LRRIQ3: variants seen among roughly 807,000 people sequenced by gnomAD.
LRRIQ3 encodes the protein leucine rich repeats and IQ motif containing 3.
In LRRIQ3, 75 loss-of-function variants were observed where a neutral mutation model predicts 59.3. The observed-to-expected ratio is 1.26, with a 90% CI of 1.05 to 1.53. The LOEUF is 1.53. Among genes scored for constraint, LRRIQ3 ranks in the 40% most tolerant of loss-of-function variants. LRRIQ3 has a pLI of 0.00. For missense variants in LRRIQ3, 831 were observed against 710.0 expected (o/e 1.17, Z -1.94); for synonymous variants, 250 against 231.3 (o/e 1.08, Z -0.73).
intron 4 of LRRIQ3, among the ~76,000 whole-genome samples, chr1:74,111,933 G>A (rs1297664116): frequency 6.6e-6 from 1 of 152,088 alleles, no homozygotes; most frequent in Non-Finnish European, 1.5e-5. Context: ...TATTATGTCA[G>A]GAAAGAATAG....
At chr1:74,099,943 C>T (rs1000322745) in intron 5 of LRRIQ3, among the ~76,000 whole-genome samples, 1 of 152,100 alleles carries the variant, frequency 6.6e-6, no homozygotes, top group Non-Finnish European at 1.5e-5. Flanking sequence ...AACCCACAGC[C>T]AATATCATAC....
At chr1:74,137,949 G>T (rs1406186814) in intron 4 of LRRIQ3, among the ~76,000 whole-genome samples, 2 of 151,706 alleles carry the variant, frequency 1.3e-5, no homozygotes, top group African/African-American at 2.4e-5. Flanking sequence ...TCAGGGGGTG[G>T]GAGGGTAGGG....
intron 7 of LRRIQ3, among the ~76,000 whole-genome samples, chr1:74,028,885 T>A (rs1653602763): frequency 6.6e-6 from 1 of 151,928 alleles, no homozygotes; most frequent in Non-Finnish European, 1.5e-5. Flanking sequence ...AGTAGTCAGG[T>A]CTGGACGTGT....
chr1:74,187,333 T>G (rs1004429632), intron 1 of LRRIQ3, among the ~76,000 whole-genome samples: 5 of 145,640 alleles, frequency 3.4e-5, no homozygotes, highest in Admixed American at 1.4e-4. Context: ...TATATAGATA[T>G]ATATATATAG....
chr1:74,099,218 G>A (rs909458883), intron 5 of LRRIQ3, among the ~76,000 whole-genome samples: 2 of 152,050 alleles, frequency 1.3e-5, no homozygotes, highest in African/African-American at 2.4e-5. Flanking sequence ...AAATGATAAA[G>A]GGGATATCAC....
chr1:74,048,176 C>G (rs896747157), intron 6 of LRRIQ3, among the ~76,000 whole-genome samples: 1 of 152,122 alleles, frequency 6.6e-6, no homozygotes, highest in Non-Finnish European at 1.5e-5. Flanking sequence ...AGGAAGTTCC[C>G]TCTCCTGAAT....
chr1:74,146,131 G>C (rs1647552138), intron 4 of LRRIQ3, among the ~76,000 whole-genome samples: 1 of 152,152 alleles, frequency 6.6e-6, no homozygotes, highest in East Asian at 1.9e-4. Flanking sequence ...AAGTGTAGTA[G>C]GCTATATAAC....
chr1:74,097,061 A>G (rs1002698766), intron 5 of LRRIQ3, among the ~76,000 whole-genome samples: 2 of 151,660 alleles, frequency 1.3e-5, no homozygotes. Context: ...GAGAACCACT[A>G]CTCTCTTCAA....
In LRRIQ3 at chr1:74,074,739, CAT is replaced by C. The variant is rs746639045; in HGVS notation, c.917_918del (p.His306ArgfsTer7). On this transcript the variant is annotated frameshift_variant, in exon 6 of 8. Transcript: ENST00000354431. LOFTEE classifies it high-confidence loss of function. ...DLKNSSEHRK[H>X]VSSILCELKP... The stretch of plus-strand genomic sequence containing the variant: ...TTTAATTCACATAAAATAGATGACA[CAT>C]GTTTTCTGTGTTCACTGGAATTTTT... 13 of 1,444,596 alleles carry C rather than the reference CAT, an allele frequency of 9.0e-6. No individual in the cohort carries two copies. The Middle Eastern group carries it at 7.2e-4, about 80-fold the overall frequency. The allele number at this position is 1,444,596 out of a possible 1,614,324, so 89.5% of individuals were successfully genotyped here.
intron 4 of LRRIQ3, among the ~76,000 whole-genome samples, chr1:74,131,210 C>A (rs1415277036): frequency 2.0e-5 from 3 of 152,122 alleles, no homozygotes; most frequent in African/African-American, 7.2e-5. Flanking sequence ...CAATAACAGG[C>A]TCTGAAATTG....
intron 5 of LRRIQ3, among the ~76,000 whole-genome samples, chr1:74,078,405 G>C (rs1354026513): frequency 6.6e-6 from 1 of 151,758 alleles, no homozygotes; most frequent in Non-Finnish European, 1.5e-5. Flanking sequence ...AAAAATCTAA[G>C]ATAGTGTCAA....
At chr1:74,118,350 T>A (rs1159966242) in intron 4 of LRRIQ3, among the ~76,000 whole-genome samples, 1 of 152,164 alleles carries the variant, frequency 6.6e-6, no homozygotes, top group Non-Finnish European at 1.5e-5. Context: ...TTTTGTAACT[T>A]GCTTTTCTAA....
intron 3 of LRRIQ3, among the ~76,000 whole-genome samples, chr1:74,175,199 G>T (rs1264772315): frequency 2.0e-5 from 3 of 152,164 alleles, no homozygotes; most frequent in Non-Finnish European, 4.4e-5. Context: ...AGGCCAGCTG[G>T]TCTGCTGGGG....
At chr1:74,088,643 T>C (rs1251952359) in intron 5 of LRRIQ3, among the ~76,000 whole-genome samples, 1 of 151,892 alleles carries the variant, frequency 6.6e-6, no homozygotes, top group East Asian at 1.9e-4. Flanking sequence ...GTCAAACCTT[T>C]ACCTCACACC....
chr1:74,049,238 G>A (rs1165422077), intron 6 of LRRIQ3, among the ~76,000 whole-genome samples: 1 of 152,136 alleles, frequency 6.6e-6, no homozygotes, highest in Non-Finnish European at 1.5e-5. Context: ...GTAAGGCAGG[G>A]GCCAGATTCT....
chr1:74,195,630 A>C (rs1195985108), intron 1 of LRRIQ3, among the ~76,000 whole-genome samples: 1 of 152,200 alleles, frequency 6.6e-6, no homozygotes, highest in East Asian at 1.9e-4. Context: ...TAAAAAGCCC[A>C]AATGCCTCCA....
intron 5 of LRRIQ3, among the ~76,000 whole-genome samples, chr1:74,075,069 C>A (rs1206954380): frequency 6.6e-6 from 1 of 151,826 alleles, no homozygotes; most frequent in Non-Finnish European, 1.5e-5. Context: ...ACAAAAGGAA[C>A]AAGGGAAGAG....
At chr1:74,113,652 A>T (rs1646735191) in intron 4 of LRRIQ3, among the ~76,000 whole-genome samples, 1 of 152,110 alleles carries the variant, frequency 6.6e-6, no homozygotes, top group Non-Finnish European at 1.5e-5. Context: ...AAGAAGAAAG[A>T]AATTCAATTA....
chr1:74,061,198 T>C (rs1413739000), intron 6 of LRRIQ3, among the ~76,000 whole-genome samples: 5 of 151,978 alleles, frequency 3.3e-5, no homozygotes, highest in African/African-American at 9.7e-5. Context: ...ACAAAAAGAA[T>C]GAAATACCTA....
Sources: gnomAD v4.1 joint callset for allele counts (sites outside exome capture counted in the v4.1 genomes callset) on GRCh38, gnomAD v4.1.1 for gene constraint, MANE v1.5 for transcripts, NCBI Gene and HGNC (gene_info 2026-07-23, HGNC 2026-07-21) for gene names.